The following PRKN variants were observed in gnomAD, a reference collection of about 807,000 sequenced individuals.
PRKN encodes E3 ubiquitin-protein ligase parkin.
In PRKN, 56 loss-of-function variants were observed where a neutral mutation model predicts 59.5. The observed-to-expected ratio is 0.94, with a 90% CI of 0.76 to 1.18. PRKN has a LOEUF of 1.18. Among genes scored for constraint, PRKN ranks in the 50% most tolerant of loss-of-function variants. The probability of loss-of-function intolerance (pLI) is 0.00; values close to 1 mark genes in which losing one functional copy is unlikely to be tolerated. For synonymous variants in PRKN, 250 were observed against 222.1 expected, an observed-to-expected ratio of 1.13 and a Z score of -1.12; for missense variants, 657 against 596.4, an observed-to-expected ratio of 1.10 and a Z score of -1.06.
chr6:162,307,327 G>A (rs1276202940), intron 2 of PRKN, among the ~76,000 whole-genome samples: 1 of 151,456 alleles, frequency 6.6e-6, no homozygotes, highest in Admixed American at 6.6e-5. Context: ...TTTAACCCAG[G>A]AGGTGGAGGT....
At chr6:162,685,020 T>C (rs1779916320) in intron 1 of PRKN, among the ~76,000 whole-genome samples, 1 of 152,202 alleles carries the variant, frequency 6.6e-6, no homozygotes, top group Non-Finnish European at 1.5e-5. Context: ...TTGCATCTAC[T>C]GTATTAAGTC....
At chr6:161,731,630 C>T (rs555968330) in intron 7 of PRKN, among the ~76,000 whole-genome samples, 3 of 152,162 alleles carry the variant, frequency 2.0e-5, no homozygotes, top group Admixed American at 6.5e-5. Flanking sequence ...GAATGATCCC[C>T]CACATTTCTG....
intron 5 of PRKN, among the ~76,000 whole-genome samples, chr6:162,024,909 G>A (rs2849570): frequency 0.81 from 123,801 of 152,082 alleles, 51,108 homozygotes; most frequent in African/African-American, 0.96. Context: ...TAGTCAGCAC[G>A]TGCACCAAAT....
intron 9 of PRKN, among the ~76,000 whole-genome samples, chr6:161,501,532 A>G (rs1777964255): frequency 6.6e-6 from 1 of 151,694 alleles, no homozygotes; most frequent in South Asian, 2.1e-4. Flanking sequence ...CCTTTATCCG[A>G]TAGGTCTTTT....
chr6:162,552,146 C>T (rs896918127), intron 1 of PRKN, among the ~76,000 whole-genome samples: 9 of 152,210 alleles, frequency 5.9e-5, no homozygotes, highest in East Asian at 5.8e-4. Flanking sequence ...TACACAAATC[C>T]GGCTTGTTGC....
intron 7 of PRKN, among the ~76,000 whole-genome samples, chr6:161,718,016 T>C (rs1376424036): frequency 6.6e-6 from 1 of 152,190 alleles, no homozygotes; most frequent in Non-Finnish European, 1.5e-5. Context: ...GAGAAACACA[T>C]CGACCAGAGC....
At chr6:162,365,844 T>C (rs1785408986) in intron 2 of PRKN, among the ~76,000 whole-genome samples, 1 of 152,236 alleles carries the variant, frequency 6.6e-6, no homozygotes, top group South Asian at 2.1e-4. Context: ...GTAAGATTTT[T>C]CTCTGGTATG....
intron 1 of PRKN, among the ~76,000 whole-genome samples, chr6:162,702,014 A>G (rs1362922661): frequency 1.3e-5 from 2 of 152,090 alleles, no homozygotes; most frequent in Non-Finnish European, 2.9e-5. Flanking sequence ...AAATCAAAAT[A>G]CAAAAAACAA....
intron 4 of PRKN, among the ~76,000 whole-genome samples, chr6:162,179,942 G>A (rs1783714890): frequency 9.4e-6 from 1 of 106,358 alleles, no homozygotes; most frequent in African/African-American, 3.0e-5. Context: ...TGTAGTAAGG[G>A]GACAGTGCTT....
intron 3 of PRKN, among the ~76,000 whole-genome samples, chr6:162,246,810 T>A (rs1236008807): frequency 2.0e-5 from 3 of 152,162 alleles, no homozygotes; most frequent in African/African-American, 7.2e-5. Context: ...ATTTTAAAGT[T>A]TTTTGAAAAA....
rs1243978191 is a variant in PRKN, at chr6:161,409,604, G to T, written c.1084-22727C>A. ...CAGAATGTTCAGTGGAATCACATAA[G>T]GCCGTCACTATAAAAATGAAAGCAA... On this transcript the variant is annotated intron_variant, in intron 9 of 11. Transcript: ENST00000366898. This position sits in a 1 kb window ranked among gnomAD's most constrained non-coding sequence, Gnocchi z 4.6. Among the ~76,000 whole-genome samples, 2 of 152,132 alleles carry T rather than the reference G, an allele frequency of 1.3e-5. No individual in the cohort carries two copies. Among genetic ancestry groups the T allele is most frequent in the African/African-American group, 4.8e-5 (2 of 41,410 alleles).
intron 1 of PRKN, among the ~76,000 whole-genome samples, chr6:162,512,416 A>G (rs1360846240): frequency 6.6e-6 from 1 of 152,198 alleles, no homozygotes; most frequent in East Asian, 1.9e-4. Context: ...TGCTAGTCTC[A>G]ATTACCAGCA....
Position 161,348,244 on chromosome 6 carries a change from G to A in PRKN, c.*1855C>T, listed in dbSNP as rs1426420562. ...TTAGTGGGACTGCCAGTGACACTAA[G>A]TCAGGCCTTGATCAGGGTCTGGACT... On this transcript the variant is annotated 3_prime_UTR_variant, in exon 12 of 12. Transcript: ENST00000366898. The surrounding 1 kb of genome is among the most constrained non-coding windows in gnomAD (Gnocchi z 4.9). 1 of 203,694 alleles carries A rather than the reference G, an allele frequency of 4.9e-6. No homozygotes were observed. Among genetic ancestry groups the A allele is most frequent in the East Asian group, 7.4e-5 (1 of 13,428 alleles). 12.6% of individuals were successfully genotyped at this position (203,694 alleles called of 1,614,324 possible). A position where few individuals can be genotyped will look rare whatever the true frequency, so the allele number is the denominator to read the frequency against.
At chr6:162,047,334 G>T (rs527854518) in intron 5 of PRKN, among the ~76,000 whole-genome samples, 1 of 152,244 alleles carries the variant, frequency 6.6e-6, no homozygotes, top group South Asian at 2.1e-4. Flanking sequence ...CACAAAGGCT[G>T]GAATTGCTTA....
chr6:162,120,887 C>T (rs543875110), intron 4 of PRKN, among the ~76,000 whole-genome samples: 332 of 152,312 alleles, frequency 2.2e-3, no homozygotes, highest in Non-Finnish European at 3.4e-3. Context: ...TTGGCCCATG[C>T]ACAAAGCAGT....
chr6:162,540,056 T>C (rs149577782), intron 1 of PRKN, among the ~76,000 whole-genome samples: 3,020 of 151,820 alleles, frequency 0.02, 95 homozygotes, highest in African/African-American at 0.069. Flanking sequence ...GCTGGGATTA[T>C]AGGCGCCCAC....
chr6:161,758,901 G>A lies in PRKN; in HGVS notation c.871+26871C>T, dbSNP rs183596608. Among the ~76,000 whole-genome samples, 79 of 152,194 alleles carry A rather than the reference G, an allele frequency of 5.2e-4. No individual in the cohort carries two copies. The East Asian group carries it at 0.011, about 21-fold the overall frequency. On this transcript the variant is annotated intron_variant, in intron 7 of 11. Coordinates refer to ENST00000366898, the MANE Select transcript of PRKN (RefSeq NM_004562.3). ...TTTTGAAAATCTCTCATTTCAGGCC[G>A]GGCGCAGTGGCTCATGCCTGTAATC...
chr6:161,494,213 A>G (rs933580563), intron 9 of PRKN, among the ~76,000 whole-genome samples: 1 of 152,186 alleles, frequency 6.6e-6, no homozygotes, highest in Non-Finnish European at 1.5e-5. Flanking sequence ...CCACTGGGTT[A>G]CTCAGTGCAA....
chr6:162,414,738 G>C (rs17438732), intron 2 of PRKN, among the ~76,000 whole-genome samples: 61,510 of 123,656 alleles, frequency 0.5, 17,236 homozygotes, highest in African/African-American at 0.67. Flanking sequence ...GTGAATCTTT[G>C]AAGTTTTAAA....
Sources: allele counts gnomAD v4.1 joint callset (sites outside exome capture counted in the v4.1 genomes callset), GRCh38; gene constraint gnomAD v4.1.1; non-coding constraint Gnocchi (gnomAD v3.1); transcripts MANE v1.5; gene names NCBI Gene and HGNC (gene_info 2026-07-23, HGNC 2026-07-21).